ADAP1: variants seen among roughly 807,000 people sequenced by gnomAD.
ADAP1 encodes ArfGAP with dual PH domains 1.
ADAP1 carries 31 observed loss-of-function variants against 54.9 expected under a neutral mutation model. The observed-to-expected ratio is 0.56, with a 90% CI of 0.42 to 0.76. The LOEUF is 0.76. Among genes scored for constraint, ADAP1 ranks in the 30% least tolerant of loss-of-function variants. The probability of loss-of-function intolerance (pLI) is 0.00; values close to 1 mark genes in which losing one functional copy is unlikely to be tolerated. For missense variants in ADAP1, 535 were observed against 512.4 expected (o/e 1.04, Z -0.42); for synonymous variants, 313 against 202.6 (o/e 1.55, Z -4.63).
At chr7:937,840 C>T (rs1024194866) in intron 1 of ADAP1, among the ~76,000 whole-genome samples, 6 of 152,030 alleles carry the variant, frequency 3.9e-5, no homozygotes, top group Non-Finnish European at 7.3e-5. Flanking sequence ...CTGTTAGGCT[C>T]CCTGATTAAT....
At chr7:913,198 C>CTTTTTTTT (rs10698107) in intron 4 of ADAP1, among the ~76,000 whole-genome samples, 1 of 104,204 alleles carries the variant, frequency 9.6e-6, no homozygotes, top group Non-Finnish European at 1.9e-5. Flanking sequence ...CCTCCCCTTC[C>CTTTTTTTT]TTTTTTTTTT....
chr7:923,508 A>G (rs1846262621), intron 3 of ADAP1, among the ~76,000 whole-genome samples: 1 of 152,016 alleles, frequency 6.6e-6, no homozygotes. Context: ...AGGGTGACAC[A>G]GGAAGAGACG....
In ADAP1 at chr7:946,046, C is replaced by G. The variant is rs754482421; in HGVS notation, c.82+8350G>C. The stretch of plus-strand genomic sequence containing the variant: ...TGGCTCTGGCCAGGCACGCAAGGGG[C>G]AGCCGAGGTGGGAGGGTGCCCTTGT... On this transcript the variant is annotated intron_variant, in intron 1 of 10. Coordinates refer to ENST00000265846, the MANE Select transcript of ADAP1 (RefSeq NM_006869.4). This position sits in a 1 kb window ranked among gnomAD's most constrained non-coding sequence, Gnocchi z 4.3. Among the ~76,000 whole-genome samples, 1 of 152,228 alleles carries G rather than the reference C, an allele frequency of 6.6e-6. No homozygotes were observed. The highest frequency in any genetic ancestry group is 1.5e-5 in the Non-Finnish European group (1 of 68,040).
chr7:948,277 C>T (rs1190393437), intron 1 of ADAP1, among the ~76,000 whole-genome samples: 1 of 152,060 alleles, frequency 6.6e-6, no homozygotes, highest in Admixed American at 6.6e-5. Flanking sequence ...GCCCTCTGCC[C>T]CTCACCCCTC....
chr7:920,945 C>G lies in ADAP1; in HGVS notation c.306-895G>C, dbSNP rs1846171839. The G allele has an allele frequency of 1.5e-6, 2 of 1,375,186 alleles. No individual in the cohort carries two copies. Among genetic ancestry groups the G allele is most frequent in the African/African-American group, 2.9e-5 (2 of 69,554 alleles). 85.2% of individuals were successfully genotyped at this position (1,375,186 alleles called of 1,614,324 possible). On this transcript the variant is annotated intron_variant, in intron 3 of 10. Transcript: ENST00000265846. The surrounding 1 kb of genome is among the most constrained non-coding windows in gnomAD (Gnocchi z 4.5). ...TTCCTGCTGGGCCCACGTGAACAGC[C>G]TTGGAGACTGGGCGGGAATCCTCGC...
chr7:906,764 GAC>G, intron 4 of ADAP1, among the ~76,000 whole-genome samples: 1 of 44,388 alleles, frequency 2.3e-5, no homozygotes, highest in African/African-American at 7.8e-5. Context: ...ATGGACAGGG[GAC>G]ATGGGGGACA....
At chr7:950,505 A>G (rs1337470228) in intron 1 of ADAP1, among the ~76,000 whole-genome samples, 2 of 148,804 alleles carry the variant, frequency 1.3e-5, no homozygotes, top group African/African-American at 4.9e-5. Context: ...AAAAAAAAAA[A>G]ATGAATACCG....
chr7:935,251 G>T, intron 2 of ADAP1, 124 bp downstream of exon 2: 1 of 1,368,720 alleles, frequency 7.3e-7, no homozygotes, highest in Non-Finnish European at 1.0e-6. Context: ...CAGCCAGCCA[G>T]GCCCCCAGAG....
At position 926,823 on chromosome 7, in the gene ADAP1, C is replaced by T. The variant is rs565195654; in HGVS notation, c.214-179G>A. On this transcript the variant is annotated intron_variant, in intron 2 of 10. Transcript: ENST00000265846. This position sits in a 1 kb window ranked among gnomAD's most constrained non-coding sequence, Gnocchi z 4.6. Reference sequence around the variant, plus strand: ...CCCAGGGACACCATTTCTGAGTGATCGACCCTCCCCTGGGACAGGGAAGGA... The same window carrying T: ...CCCAGGGACACCATTTCTGAGTGATTGACCCTCCCCTGGGACAGGGAAGGA... 8 of 741,552 alleles carry T rather than the reference C, an allele frequency of 1.1e-5. No individual in the cohort carries two copies. The highest frequency in any genetic ancestry group is 4.1e-5 in the South Asian group (2 of 48,658). The allele number at this position is 741,552 out of a possible 1,614,324, so 45.9% of individuals were successfully genotyped here. A position where few individuals can be genotyped will look rare whatever the true frequency, so the allele number is the denominator to read the frequency against.
At chr7:902,475 A>AATGCCTGG (rs1491159593) in intron 6 of ADAP1, among the ~76,000 whole-genome samples, 6 of 142,258 alleles carry the variant, frequency 4.2e-5, no homozygotes, top group East Asian at 2.1e-4. Context: ...AAAAAAAGAA[A>AATGCCTGG]GAAAAGAAAG....
At chr7:906,607 G>GGGAGAAAGGGAAAGGAGAAA (rs1845385094) in intron 4 of ADAP1, among the ~76,000 whole-genome samples, 1 of 7,770 alleles carries the variant, frequency 1.3e-4, no homozygotes, top group Non-Finnish European at 2.2e-4. Flanking sequence ...AAGGGAGAAA[G>GGGAGAAAGGGAAAGGAGAAA]GGAGAAAGGG....
At chr7:939,289 A>G (rs935111554) in intron 1 of ADAP1, among the ~76,000 whole-genome samples, 1 of 152,048 alleles carries the variant, frequency 6.6e-6, no homozygotes, top group Non-Finnish European at 1.5e-5. Context: ...GTGTGATCTC[A>G]GCTCACTGCA....
At chr7:929,120 C>CG (rs1012991909) in intron 2 of ADAP1, among the ~76,000 whole-genome samples, 2 of 151,974 alleles carry the variant, frequency 1.3e-5, no homozygotes, top group African/African-American at 4.8e-5. Context: ...GGTGAGACCC[C>CG]GTCTCTACTG....
chr7:917,928 C>T (rs1261122035), intron 4 of ADAP1, among the ~76,000 whole-genome samples: 2 of 152,000 alleles, frequency 1.3e-5, no homozygotes, highest in South Asian at 2.1e-4. Context: ...GCGCCAACCA[C>T]GCCCAGCTAA....
At chr7:931,927 C>T (rs904003193) in intron 2 of ADAP1, among the ~76,000 whole-genome samples, 4 of 152,196 alleles carry the variant, frequency 2.6e-5, no homozygotes, top group Non-Finnish European at 5.9e-5. Flanking sequence ...CGGATGTCCC[C>T]GCTGACCACC....
At chr7:908,745 A>G (rs1408641343) in intron 4 of ADAP1, among the ~76,000 whole-genome samples, 1 of 152,186 alleles carries the variant, frequency 6.6e-6, no homozygotes. Flanking sequence ...GAGGCATCGC[A>G]GCAGCGGGCC....
At chr7:908,528 G>A (rs562214003) in intron 4 of ADAP1, among the ~76,000 whole-genome samples, 8 of 152,172 alleles carry the variant, frequency 5.3e-5, no homozygotes, top group Non-Finnish European at 1.0e-4. Flanking sequence ...CCCTTCCCAT[G>A]GAAGAACCCC....
Position 899,162 on chromosome 7 carries a change from G to T in ADAP1, c.967C>A (p.His323Asn). Residue 323 changes from histidine to asparagine, a missense_variant, in exon 10 of 11, where the codon CAT becomes AAT. By Grantham distance (68) the His-to-Asn change is moderately conservative. Transcript: ENST00000265846. ...PPSTQGHHWP[H>N]GITIVTPDRK... ...TCGGGCGTGACGATGGTGATGCCAT[G>T]TGGCCAGTGGTGGCCCTGGGTGGAC... 6.2e-7 allele frequency: 1 copy of T among 1,611,810 alleles called. No homozygotes were observed.
chr7:937,141 G>A (rs868144703), intron 1 of ADAP1, among the ~76,000 whole-genome samples: 19 of 111,136 alleles, frequency 1.7e-4, no homozygotes, highest in Middle Eastern at 5.2e-3. Flanking sequence ...GGATTTGGGG[G>A]TCACGCCCGG....
Sources: allele counts gnomAD v4.1 joint callset (sites outside exome capture counted in the v4.1 genomes callset), GRCh38; gene constraint gnomAD v4.1.1; non-coding constraint Gnocchi (gnomAD v3.1); transcripts MANE v1.5; gene names NCBI Gene and HGNC (gene_info 2026-07-23, HGNC 2026-07-21).